The following RAPGEF2 variants were observed in gnomAD, a reference collection of about 807,000 sequenced individuals.
RAPGEF2 encodes Rap guanine nucleotide exchange factor 2.
In RAPGEF2, 54 loss-of-function variants were observed where a neutral mutation model predicts 186.7. That is an observed-to-expected ratio of 0.29 (90% CI 0.23 to 0.36). The LOEUF (loss-of-function observed/expected upper bound fraction) is 0.36, where lower values mean the gene tolerates loss of function less well. Ranked by LOEUF, RAPGEF2 falls within the 10% of genes least tolerant of loss-of-function variation. The pLI, the probability that RAPGEF2 is intolerant of heterozygous loss-of-function variation, is 1.00. For synonymous variants in RAPGEF2, 712 were observed against 705.9 expected (o/e 1.01, Z -0.14); for missense variants, 1,532 against 2,045.0 (o/e 0.75, Z 4.84).
At chr4:159,247,193 T>A (rs1401664942) in intron 7 of RAPGEF2, among the ~76,000 whole-genome samples, 1 of 152,188 alleles carries the variant, frequency 6.6e-6, no homozygotes, top group Non-Finnish European at 1.5e-5. Context: ...AATATTTTCA[T>A]TTATATATTT....
In RAPGEF2 at chr4:159,103,221, A is replaced by G. The variant is rs1232962660; in HGVS notation, c.-942A>G. ...TCGGCCCTCGGACGCCCGCGCCGGGAGTCCGAACCCGGGCTGTCCGCGGCC... is the reference window on the plus strand; with the variant it reads ...TCGGCCCTCGGACGCCCGCGCCGGGGGTCCGAACCCGGGCTGTCCGCGGCC... On this transcript the variant is annotated 5_prime_UTR_variant, in exon 1 of 30. Transcript: ENST00000691494. 6.6e-6 allele frequency: 1 copy of G among 151,766 alleles called. No homozygotes were observed. The highest frequency in any genetic ancestry group is 2.4e-5 in the African/African-American group (1 of 41,374). The allele number at this position is 151,766 out of a possible 1,614,324, so 9.4% of individuals were successfully genotyped here.
chr4:159,120,481 A>C (rs936400959), intron 1 of RAPGEF2, among the ~76,000 whole-genome samples: 12 of 152,250 alleles, frequency 7.9e-5, no homozygotes, highest in Non-Finnish European at 1.5e-4. Context: ...CTTTGATACT[A>C]AAACTTCTAA....
At chr4:159,343,725 T>C (rs1729873149) in intron 22 of RAPGEF2, among the ~76,000 whole-genome samples, 1 of 152,244 alleles carries the variant, frequency 6.6e-6, no homozygotes, top group Non-Finnish European at 1.5e-5. Context: ...CTAAAATATG[T>C]AAATACCCCA....
At chr4:159,280,737 A>G (rs903539759) in intron 7 of RAPGEF2, among the ~76,000 whole-genome samples, 2 of 152,240 alleles carry the variant, frequency 1.3e-5, no homozygotes, top group African/African-American at 4.8e-5. Flanking sequence ...AGTGTCATAC[A>G]TAGTGTAGCA....
At chr4:159,227,088 G>GT (rs1258877001) in intron 4 of RAPGEF2, among the ~76,000 whole-genome samples, 1 of 152,164 alleles carries the variant, frequency 6.6e-6, no homozygotes, top group Non-Finnish European at 1.5e-5. Flanking sequence ...TTCTCTTGTG[G>GT]TATGTGCCAA....
At chr4:159,109,791 C>A (rs1452462024) in intron 1 of RAPGEF2, among the ~76,000 whole-genome samples, 2 of 152,198 alleles carry the variant, frequency 1.3e-5, no homozygotes, top group Non-Finnish European at 2.9e-5. Flanking sequence ...TCCAGATTGA[C>A]CTACTGTCAT....
At chr4:159,218,503 C>T (rs1751198737) in intron 4 of RAPGEF2, among the ~76,000 whole-genome samples, 1 of 152,136 alleles carries the variant, frequency 6.6e-6, no homozygotes. Context: ...TGCCTGTAAT[C>T]CCAGCACTTT....
chr4:159,198,534 C>T (rs1190727183), intron 3 of RAPGEF2, among the ~76,000 whole-genome samples: 1 of 151,830 alleles, frequency 6.6e-6, no homozygotes, highest in Non-Finnish European at 1.5e-5. Flanking sequence ...CAACCTCCAC[C>T]TCGCTGGTTT....
At chr4:159,156,720 A>G (rs182554877) in intron 1 of RAPGEF2, among the ~76,000 whole-genome samples, 2 of 152,194 alleles carry the variant, frequency 1.3e-5, no homozygotes, top group East Asian at 1.9e-4. Context: ...ATTCCCACCT[A>G]TGAGTGAGAA....
Position 159,359,723 on chromosome 4 carries a change from A to G in RAPGEF2, c.*1584A>G, listed in dbSNP as rs1020960136. 2 of 152,192 alleles carry G rather than the reference A, an allele frequency of 1.3e-5. No homozygotes were observed. The highest frequency in any genetic ancestry group is 4.8e-5 in the African/African-American group (2 of 41,436). The allele number at this position is 152,192 out of a possible 1,614,324, so 9.4% of individuals were successfully genotyped here. On this transcript the variant is annotated 3_prime_UTR_variant, in exon 30 of 30. Transcript: ENST00000691494. Reference sequence around the variant, plus strand: ...CTCTTCTGTATCATGGCATTTGTCTACTTGCTTATTACATTGTCAATTATG... The same window carrying G: ...CTCTTCTGTATCATGGCATTTGTCTGCTTGCTTATTACATTGTCAATTATG...
chr4:159,241,841 A>G (rs1258807002), intron 6 of RAPGEF2, among the ~76,000 whole-genome samples: 1 of 152,120 alleles, frequency 6.6e-6, no homozygotes, highest in Non-Finnish European at 1.5e-5. Flanking sequence ...TTTTAAAAGT[A>G]GATATGTAAA....
At chr4:159,335,546 G>A (rs1011970493) in intron 17 of RAPGEF2, among the ~76,000 whole-genome samples, 6 of 152,102 alleles carry the variant, frequency 3.9e-5, no homozygotes, top group Admixed American at 6.5e-5. Flanking sequence ...AAAGTGTTGC[G>A]GAGAAACGGT....
chr4:159,332,178 CTG>C, intron 16 of RAPGEF2, 144 bp downstream of exon 16: 1 of 663,618 alleles, frequency 1.5e-6, no homozygotes, highest in African/African-American at 1.8e-5. Context: ...TATTTTTAAT[CTG>C]TCTTTATTGA....
At chr4:159,250,592 A>G (rs553289904) in intron 7 of RAPGEF2, among the ~76,000 whole-genome samples, 1 of 152,072 alleles carries the variant, frequency 6.6e-6, no homozygotes, top group Non-Finnish European at 1.5e-5. Flanking sequence ...TGCAGAAGAC[A>G]TTTGAGGGTA....
At chr4:159,224,450 A>G (rs1419838863) in intron 4 of RAPGEF2, among the ~76,000 whole-genome samples, 1 of 152,212 alleles carries the variant, frequency 6.6e-6, no homozygotes, top group Non-Finnish European at 1.5e-5. Flanking sequence ...GTTAGGCAAT[A>G]AAGATGGTTT....
chr4:159,236,107 C>T (rs1753224403), intron 4 of RAPGEF2, among the ~76,000 whole-genome samples: 1 of 152,178 alleles, frequency 6.6e-6, no homozygotes, highest in Non-Finnish European at 1.5e-5. Flanking sequence ...GTGCACATTG[C>T]TTTTTCCATT....
chr4:159,332,022 A>G lies in RAPGEF2; in HGVS notation c.1876A>G (p.Thr626Ala), dbSNP rs781040327. ...NNTHLSITVK[T>A]NLFVFKELLT... Reference sequence around the variant, plus strand: ...CACACATTTATCTATCACTGTGAAAACCAATTTATTTGGTAAGTATTTTGC... The same window carrying G: ...CACACATTTATCTATCACTGTGAAAGCCAATTTATTTGGTAAGTATTTTGC... The change falls in exon 16 of 30, where the codon ACC becomes GCC. Residue 626 changes from threonine to alanine, a missense_variant. Around this residue, in one of 4 missense-constraint regions of RAPGEF2, gnomAD observed 810 missense variants for 1,210.5 expected, o/e 0.67. Coordinates refer to ENST00000691494, the MANE Select transcript of RAPGEF2 (RefSeq NM_001394067.2). 3 of 1,587,050 alleles carry G rather than the reference A, an allele frequency of 1.9e-6. No individual in the cohort carries two copies. The highest frequency in any genetic ancestry group is 8.6e-7 in the Non-Finnish European group (1 of 1,165,362).
intron 2 of RAPGEF2, among the ~76,000 whole-genome samples, chr4:159,188,007 T>G (rs569266834): frequency 6.6e-6 from 1 of 152,308 alleles, no homozygotes; most frequent in South Asian, 2.1e-4. Flanking sequence ...AGATTGTAGA[T>G]TAAGTGTTTA....
chr4:159,205,808 T>A (rs750706529), intron 3 of RAPGEF2, among the ~76,000 whole-genome samples: 1 of 152,166 alleles, frequency 6.6e-6, no homozygotes, highest in Non-Finnish European at 1.5e-5. Flanking sequence ...TGTGAGCCAG[T>A]TAAACCTCTT....
Sources: allele counts gnomAD v4.1 joint callset (sites outside exome capture counted in the v4.1 genomes callset), GRCh38; gene constraint gnomAD v4.1.1; regional missense constraint gnomAD v4.1.1; transcripts MANE v1.5; gene names NCBI Gene and HGNC (gene_info 2026-07-23, HGNC 2026-07-21).